Variants in GMDS observed in about 807,000 individuals in gnomAD.
GMDS encodes GDP-mannose 4,6 dehydratase.
In GMDS, 20 loss-of-function variants were observed where a neutral mutation model predicts 49.9. The observed-to-expected ratio is 0.40, with a 90% CI of 0.28 to 0.58. The LOEUF (loss-of-function observed/expected upper bound fraction) is 0.58, where lower values mean the gene tolerates loss of function less well. GMDS is among the 20% of genes least tolerant of loss of function. The probability of loss-of-function intolerance (pLI) is 0.42; values close to 1 mark genes in which losing one functional copy is unlikely to be tolerated. For synonymous variants in GMDS, 177 were observed against 178.6 expected (o/e 0.99, Z 0.07); for missense variants, 362 against 481.4 (o/e 0.75, Z 2.32).
intron 9 of GMDS, among the ~76,000 whole-genome samples, chr6:1,646,191 C>T (rs565513659): frequency 7.9e-5 from 12 of 152,318 alleles, no homozygotes; most frequent in African/African-American, 2.9e-4. Flanking sequence ...ACTTCCAGTA[C>T]CTCTGGCACC....
intron 1 of GMDS, among the ~76,000 whole-genome samples, chr6:2,244,470 T>C (rs1384867657): frequency 6.6e-6 from 1 of 151,972 alleles, no homozygotes; most frequent in Non-Finnish European, 1.5e-5. Flanking sequence ...TCTACAGCAA[T>C]ATGTGGGCAC....
chr6:1,871,886 A>G (rs937056339), intron 7 of GMDS, among the ~76,000 whole-genome samples: 4 of 152,232 alleles, frequency 2.6e-5, no homozygotes, highest in Non-Finnish European at 4.4e-5. Context: ...ATGAGGACGA[A>G]GATACTGCTA....
chr6:1,696,711 A>G (rs1765355064), intron 9 of GMDS, among the ~76,000 whole-genome samples: 1 of 152,242 alleles, frequency 6.6e-6, no homozygotes, highest in East Asian at 1.9e-4. Flanking sequence ...TAGAGCCGGT[A>G]TCTGGAAGAA....
In GMDS at chr6:2,007,468, G is replaced by A. The variant is rs73716921; in HGVS notation, c.346-46502C>T. On this transcript the variant is annotated intron_variant, in intron 4 of 10. Transcript: ENST00000380815. ...AATTCTAAGCGTCTACACTTCCAGA[G>A]AACATTATCTGTCCAGGCTTTTATA... 4.2e-3 allele frequency among the ~76,000 whole-genome samples: 646 copies of A among 152,154 alleles called. 9 individuals are homozygous for A. Among genetic ancestry groups the A allele is most frequent in the African/African-American group, 0.015 (623 of 41,498 alleles).
intron 7 of GMDS, among the ~76,000 whole-genome samples, chr6:1,878,065 G>A (rs994094224): frequency 1.3e-5 from 2 of 152,104 alleles, no homozygotes; most frequent in Admixed American, 6.5e-5. Context: ...TGTCATCCCA[G>A]CACTCTGGGA....
intron 9 of GMDS, among the ~76,000 whole-genome samples, chr6:1,672,270 C>A (rs934075331): frequency 6.6e-6 from 1 of 152,046 alleles, no homozygotes; most frequent in Non-Finnish European, 1.5e-5. Context: ...AGCCGTGATG[C>A]GTGAATGAGA....
intron 3 of GMDS, 140 bp downstream of exon 3, chr6:2,117,329 T>A (rs1284086995): frequency 1.6e-6 from 1 of 632,462 alleles, no homozygotes; most frequent in East Asian, 2.8e-5. Flanking sequence ...GTAAATCGTA[T>A]TCAGTGCAGT....
At chr6:1,914,659 G>A (rs1761281613) in intron 7 of GMDS, among the ~76,000 whole-genome samples, 1 of 152,158 alleles carries the variant, frequency 6.6e-6, no homozygotes, top group South Asian at 2.1e-4. Flanking sequence ...TTCCCAAGGT[G>A]CGCCCCTCAC....
In GMDS at chr6:1,966,815, T is replaced by C. The variant is rs547669503; in HGVS notation, c.346-5849A>G. Reference sequence around the variant, plus strand: ...AATAGCACCCATTCCAAGCAAAACCTAGAAATCTTCCCTAACACTTCCTTC... The same window carrying C: ...AATAGCACCCATTCCAAGCAAAACCCAGAAATCTTCCCTAACACTTCCTTC... On this transcript the variant is annotated intron_variant, in intron 4 of 10. Coordinates refer to ENST00000380815, the MANE Select transcript of GMDS (RefSeq NM_001500.4). Among the ~76,000 whole-genome samples the C allele has an allele frequency of 3.9e-5, 6 of 152,268 alleles. No individual in the cohort carries two copies. In the East Asian group the frequency reaches 1.2e-3, roughly 29 times the overall value.
chr6:1,697,068 A>G (rs939685435), intron 9 of GMDS, among the ~76,000 whole-genome samples: 2 of 152,242 alleles, frequency 1.3e-5, no homozygotes, highest in African/African-American at 4.8e-5. Context: ...TAGGAGCCCA[A>G]CAGCCCATGC....
At chr6:2,160,571 G>A (rs1346297538) in intron 1 of GMDS, among the ~76,000 whole-genome samples, 2 of 152,160 alleles carry the variant, frequency 1.3e-5, no homozygotes, top group Non-Finnish European at 2.9e-5. Flanking sequence ...AAGATTTTGA[G>A]ACAGGTGTTG....
chr6:1,900,887 A>G (rs973106048), intron 7 of GMDS, among the ~76,000 whole-genome samples: 7 of 152,238 alleles, frequency 4.6e-5, no homozygotes, highest in African/African-American at 9.6e-5. Context: ...ACTCTCGATG[A>G]TATCACTCAC....
chr6:1,905,487 G>A (rs1020386221), intron 7 of GMDS, among the ~76,000 whole-genome samples: 3 of 147,680 alleles, frequency 2.0e-5, no homozygotes, highest in African/African-American at 7.7e-5. Flanking sequence ...AAAGGTGCCT[G>A]TGCATCTGCA....
intron 10 of GMDS, 73 bp from the exon 11 acceptor site, chr6:1,624,304 G>A (rs974645726): frequency 9.9e-5 from 142 of 1,430,692 alleles, no homozygotes; most frequent in Non-Finnish European, 1.4e-4. Context: ...CCCGGGTGTC[G>A]GCCCCAGAGA....
intron 7 of GMDS, among the ~76,000 whole-genome samples, chr6:1,838,307 T>G (rs1561837749): frequency 6.6e-6 from 1 of 152,240 alleles, no homozygotes; most frequent in Non-Finnish European, 1.5e-5. Context: ...TAGATAGGGC[T>G]CTGAATTTAA....
At chr6:1,666,403 C>A (rs1764241174) in intron 9 of GMDS, among the ~76,000 whole-genome samples, 1 of 152,130 alleles carries the variant, frequency 6.6e-6, no homozygotes, top group Non-Finnish European at 1.5e-5. Context: ...TGGTTAAGTG[C>A]TAAGTGTACA....
chr6:1,962,867 CT>C (rs61214270), intron 4 of GMDS, among the ~76,000 whole-genome samples: 2 of 148,946 alleles, frequency 1.3e-5, no homozygotes, highest in East Asian at 2.0e-4. Context: ...TTTTTCTTTT[CT>C]TTTTTTTCTT....
intron 7 of GMDS, among the ~76,000 whole-genome samples, chr6:1,848,672 G>C (rs555936257): frequency 4.6e-5 from 7 of 152,306 alleles, no homozygotes; most frequent in South Asian, 2.1e-4. Flanking sequence ...TGAAGATAGT[G>C]GGGTGGGAAC....
At chr6:2,099,336 T>C (rs935663420) in intron 4 of GMDS, among the ~76,000 whole-genome samples, 1 of 152,152 alleles carries the variant, frequency 6.6e-6, no homozygotes, top group African/African-American at 2.4e-5. Context: ...CATAATCACA[T>C]CCTATACAGT....
Sources: gnomAD v4.1 joint callset for allele counts (sites outside exome capture counted in the v4.1 genomes callset) on GRCh38, gnomAD v4.1.1 for gene constraint, MANE v1.5 for transcripts, NCBI Gene and HGNC (gene_info 2026-07-23, HGNC 2026-07-21) for gene names.